CRTAM: variants seen among roughly 807,000 people sequenced by gnomAD.
CRTAM encodes cytotoxic and regulatory T-cell molecule.
Under a neutral mutation model 50.0 loss-of-function variants are expected in CRTAM, and 44 were observed. That is an observed-to-expected ratio of 0.88 (90% CI 0.69 to 1.13). The LOEUF (loss-of-function observed/expected upper bound fraction) is 1.13, where lower values mean the gene tolerates loss of function less well. CRTAM is among the 50% of genes most tolerant of loss of function. The probability of loss-of-function intolerance (pLI) is 0.00; values close to 1 mark genes in which losing one functional copy is unlikely to be tolerated. For missense variants in CRTAM, 448 were observed against 457.5 expected (o/e 0.98, Z 0.19); for synonymous variants, 159 against 169.3 (o/e 0.94, Z 0.47).
At chr11:122,850,984 G>A (rs1289071782) in intron 2 of CRTAM, among the ~76,000 whole-genome samples, 1 of 152,210 alleles carries the variant, frequency 6.6e-6, no homozygotes, top group African/African-American at 2.4e-5. Flanking sequence ...CATGCTGGCT[G>A]GGCGTGGTGG....
intron 2 of CRTAM, among the ~76,000 whole-genome samples, chr11:122,850,724 GGAT>G (rs1400490575): frequency 6.6e-6 from 1 of 152,170 alleles, no homozygotes; most frequent in Non-Finnish European, 1.5e-5. Context: ...GAAATAGACA[GGAT>G]GTATTAATTT....
intron 5 of CRTAM, 164 bp from the exon 6 acceptor site, chr11:122,862,300 T>C: frequency 1.6e-6 from 1 of 612,036 alleles, no homozygotes; most frequent in East Asian, 2.7e-5. Flanking sequence ...GGGATACAGA[T>C]TCAAAAACCA....
intron 1 of CRTAM, among the ~76,000 whole-genome samples, chr11:122,839,202 G>T (rs1183903625): frequency 6.6e-6 from 1 of 152,090 alleles, no homozygotes; most frequent in African/African-American, 2.4e-5. Context: ...AAAGTGCTGG[G>T]ATTACAGGCG....
At chr11:122,855,981 A>G in intron 5 of CRTAM, 125 bp downstream of exon 5, 1 of 764,672 alleles carries the variant, frequency 1.3e-6, no homozygotes, top group Non-Finnish European at 2.1e-6. Flanking sequence ...AGCTTTCCTA[A>G]TAGCAAATTC....
At chr11:122,864,780 A>T (rs1330451221) in intron 7 of CRTAM, 61 bp downstream of exon 7, 2 of 1,222,242 alleles carry the variant, frequency 1.6e-6, no homozygotes, top group Admixed American at 1.7e-5. Context: ...TAATCGATAA[A>T]TTCAATGGCC....
intron 4 of CRTAM, among the ~76,000 whole-genome samples, 173 bp downstream of exon 4, chr11:122,854,259 T>C (rs1861976046): frequency 6.6e-6 from 1 of 152,200 alleles, no homozygotes; most frequent in Non-Finnish European, 1.5e-5. Context: ...TGCCTTAATC[T>C]TGAAAGGCTA....
chr11:122,841,466 T>G (rs1861797892), intron 1 of CRTAM, among the ~76,000 whole-genome samples: 1 of 151,540 alleles, frequency 6.6e-6, no homozygotes. Flanking sequence ...AGTGGTGTGA[T>G]CTCAGCTCAC....
At chr11:122,851,659 T>G in intron 2 of CRTAM, 34 bp from the exon 3 acceptor site, 1 of 1,609,268 alleles carries the variant, frequency 6.2e-7, no homozygotes, top group South Asian at 1.1e-5. Flanking sequence ...TCGGATATCT[T>G]TCCTCATAAC....
intron 2 of CRTAM, among the ~76,000 whole-genome samples, chr11:122,851,250 A>G (rs2135236852): frequency 7.0e-6 from 1 of 143,694 alleles, no homozygotes; most frequent in South Asian, 2.3e-4. Context: ...TGGGCAACAG[A>G]GCAAGACTCT....
chr11:122,862,407 C>A (rs780184666), intron 5 of CRTAM, 57 bp from the exon 6 acceptor site: 7 of 1,061,324 alleles, frequency 6.6e-6, no homozygotes, highest in Non-Finnish European at 1.0e-5. Context: ...TTACTGAGCA[C>A]AATGTGGGTA....
At chr11:122,851,339 A>G (rs929207521) in intron 2 of CRTAM, among the ~76,000 whole-genome samples, 5 of 152,138 alleles carry the variant, frequency 3.3e-5, no homozygotes, top group African/African-American at 1.2e-4. Flanking sequence ...GAAATATATT[A>G]TTTCAAGCTA....
intron 5 of CRTAM, among the ~76,000 whole-genome samples, chr11:122,860,261 G>A (rs1052145173): frequency 1.3e-5 from 2 of 152,080 alleles, no homozygotes; most frequent in Non-Finnish European, 2.9e-5. Flanking sequence ...TGTTGACCAG[G>A]CTGGTCTTGA....
chr11:122,867,268 G>T (rs1281322899), intron 7 of CRTAM, 141 bp from the exon 8 acceptor site: 5 of 666,726 alleles, frequency 7.5e-6, no homozygotes, highest in East Asian at 2.7e-5. Flanking sequence ...TTTACCTTCA[G>T]GGGTAAGCTC....
At chr11:122,862,802 C>T (rs932724075) in intron 6 of CRTAM, among the ~76,000 whole-genome samples, 4 of 152,146 alleles carry the variant, frequency 2.6e-5, no homozygotes, top group African/African-American at 9.7e-5. Context: ...GAGATGTACA[C>T]ATGTACACAC....
At chr11:122,867,377 G>A (rs762050318) in intron 7 of CRTAM, 32 bp from the exon 8 acceptor site, 4 of 1,542,880 alleles carry the variant, frequency 2.6e-6, no homozygotes, top group Admixed American at 2.0e-5. Context: ...AAAACCCAAA[G>A]TATCTAAACT....
In CRTAM at chr11:122,852,127, C is replaced by T. The variant is rs191332515; in HGVS notation, c.346+282C>T. Among the ~76,000 whole-genome samples the T allele has an allele frequency of 6.6e-5, 10 of 152,226 alleles. No individual in the cohort carries two copies. The East Asian group carries it at 7.7e-4, about 12-fold the overall frequency. Reference sequence around the variant, plus strand: ...TGATATTTGATGAGCTGCGACTATGCGCCAGGCACCATGTGAGGTTCTCGG... The same window carrying T: ...TGATATTTGATGAGCTGCGACTATGTGCCAGGCACCATGTGAGGTTCTCGG... On this transcript the variant is annotated intron_variant, in intron 3 of 9. Coordinates refer to ENST00000227348, the MANE Select transcript of CRTAM (RefSeq NM_019604.4).
At chr11:122,857,040 G>GA (rs1208767830) in intron 5 of CRTAM, among the ~76,000 whole-genome samples, 2 of 151,862 alleles carry the variant, frequency 1.3e-5, no homozygotes, top group Non-Finnish European at 1.5e-5. Context: ...CAACAATGTC[G>GA]AAAAAAATGC....
chr11:122,871,513 T>C lies in CRTAM; in HGVS notation c.*114T>C. On this transcript the variant is annotated 3_prime_UTR_variant, in exon 10 of 10. Transcript: ENST00000227348. Reference sequence around the variant, plus strand: ...CATTAATAATGACCTCTTAGTGCAATGCAAGATGGTGTCCTCGGATAATGA... The same window carrying C: ...CATTAATAATGACCTCTTAGTGCAACGCAAGATGGTGTCCTCGGATAATGA... 2.5e-6 allele frequency: 2 copies of C among 795,876 alleles called. No homozygotes were observed. The highest frequency in any genetic ancestry group is 6.2e-5 in the Admixed American group (2 of 32,074). 49.3% of individuals were successfully genotyped at this position (795,876 alleles called of 1,614,324 possible). A position where few individuals can be genotyped will look rare whatever the true frequency, so the allele number is the denominator to read the frequency against.
Position 122,844,776 on chromosome 11 carries a change from A to G in CRTAM, c.47-5292A>G, listed in dbSNP as rs115842513. 1.6e-3 allele frequency among the ~76,000 whole-genome samples: 240 copies of G among 152,350 alleles called. 2 individuals carry two copies. The highest frequency in any genetic ancestry group is 5.4e-3 in the African/African-American group (226 of 41,584). Reference sequence around the variant, plus strand: ...ACAGTAAGCATCACAATGCTATGGAAGTTAGACAGTTCTGGATTCAAATCT... The same window carrying G: ...ACAGTAAGCATCACAATGCTATGGAGGTTAGACAGTTCTGGATTCAAATCT... On this transcript the variant is annotated intron_variant, in intron 1 of 9. Coordinates refer to ENST00000227348, the MANE Select transcript of CRTAM (RefSeq NM_019604.4).
Sources: gnomAD v4.1 joint callset for allele counts (sites outside exome capture counted in the v4.1 genomes callset) on GRCh38, gnomAD v4.1.1 for gene constraint, MANE v1.5 for transcripts, NCBI Gene and HGNC (gene_info 2026-07-23, HGNC 2026-07-21) for gene names.